Variants in CDH12 observed in about 807,000 individuals in gnomAD.
CDH12 encodes the protein cadherin-12.
A neutral mutation model predicts 74.1 loss-of-function variants in CDH12; 41 were observed. That is an observed-to-expected ratio of 0.55 (90% CI 0.43 to 0.72). The LOEUF (loss-of-function observed/expected upper bound fraction) is 0.72. CDH12 is among the 30% of genes least tolerant of loss of function. The pLI, the probability that CDH12 is intolerant of heterozygous loss-of-function variation, is 0.00. For synonymous variants in CDH12, 399 were observed against 355.0 expected, an observed-to-expected ratio of 1.12 and a Z score of -1.39; for missense variants, 945 against 977.2, an observed-to-expected ratio of 0.97 and a Z score of 0.44.
At chr5:22,103,725 G>A (rs1744276304) in intron 4 of CDH12, among the ~76,000 whole-genome samples, 1 of 152,128 alleles carries the variant, frequency 6.6e-6, no homozygotes, top group Non-Finnish European at 1.5e-5. Flanking sequence ...TATATCAAAG[G>A]CAGTGAAAAT....
intron 2 of CDH12, among the ~76,000 whole-genome samples, chr5:22,434,583 C>A (rs77441407): frequency 3.3e-5 from 5 of 152,098 alleles, no homozygotes; most frequent in Non-Finnish European, 5.9e-5. Flanking sequence ...CCAACCGAAT[C>A]CATCCTAACG....
chr5:21,947,097 G>A (rs956149660), intron 6 of CDH12, among the ~76,000 whole-genome samples: 2 of 152,154 alleles, frequency 1.3e-5, no homozygotes, highest in Non-Finnish European at 2.9e-5. Flanking sequence ...ATTCCACCAT[G>A]ATTGTAAGTT....
At chr5:22,105,490 G>C (rs1744381971) in intron 4 of CDH12, among the ~76,000 whole-genome samples, 1 of 151,082 alleles carries the variant, frequency 6.6e-6, no homozygotes, top group African/African-American at 2.4e-5. Flanking sequence ...CTGAGGTCAG[G>C]GGTTCGAGAC....
intron 6 of CDH12, among the ~76,000 whole-genome samples, chr5:21,865,056 A>T (rs1751255028): frequency 6.6e-6 from 1 of 152,154 alleles, no homozygotes; most frequent in South Asian, 2.1e-4. Context: ...AAAAAAAGAG[A>T]GTGCTATTTC....
intron 3 of CDH12, among the ~76,000 whole-genome samples, chr5:22,389,107 T>C (rs1041445227): frequency 6.6e-6 from 1 of 152,162 alleles, no homozygotes; most frequent in African/African-American, 2.4e-5. Context: ...TAATGTCCAT[T>C]TCCTTTATGC....
chr5:22,032,751 T>C (rs1693330253), intron 5 of CDH12, among the ~76,000 whole-genome samples: 1 of 128,884 alleles, frequency 7.8e-6, no homozygotes. Context: ...ATATACATAT[T>C]TATATATATT....
At position 22,125,098 on chromosome 5, in the gene CDH12, AT is replaced by A. The variant is rs200874531; in HGVS notation, c.-186-46237del. ...TCAAGATTCGGGGTTTGATACAACC[AT>A]TTTTTTTTTTAACTTTAAATTCTGG... On this transcript the variant is annotated intron_variant, in intron 4 of 14. Coordinates refer to ENST00000382254, the MANE Select transcript of CDH12 (RefSeq NM_004061.5). 6.4e-3 allele frequency among the ~76,000 whole-genome samples: 935 copies of A among 147,094 alleles called. 10 individuals carry two copies. The highest frequency in any genetic ancestry group is 0.015 in the African/African-American group (602 of 40,206).
intron 1 of CDH12, among the ~76,000 whole-genome samples, chr5:22,556,864 T>A (rs1002480698): frequency 6.6e-6 from 1 of 152,066 alleles, no homozygotes; most frequent in African/African-American, 2.4e-5. Context: ...ATGGGAGCCA[T>A]TCCTTTGACA....
At chr5:22,636,608 T>C (rs1451803734) in intron 1 of CDH12, among the ~76,000 whole-genome samples, 2 of 152,220 alleles carry the variant, frequency 1.3e-5, no homozygotes, top group African/African-American at 4.8e-5. Context: ...TATAAAAATG[T>C]CTAGAATAGG....
chr5:22,700,115 C>T (rs548904761), intron 1 of CDH12, among the ~76,000 whole-genome samples: 19 of 151,874 alleles, frequency 1.3e-4, no homozygotes, highest in African/African-American at 3.1e-4. Flanking sequence ...TGCAATGAGC[C>T]GAGATTGTAC....
chr5:22,072,551 T>C (rs923989655), intron 5 of CDH12, among the ~76,000 whole-genome samples: 3 of 151,824 alleles, frequency 2.0e-5, no homozygotes, highest in African/African-American at 7.3e-5. Flanking sequence ...TGTGTGTGTG[T>C]GTGTGTGTGT....
At chr5:22,108,857 G>A (rs1396541673) in intron 4 of CDH12, among the ~76,000 whole-genome samples, 1 of 152,034 alleles carries the variant, frequency 6.6e-6, no homozygotes, top group African/African-American at 2.4e-5. Flanking sequence ...ACTGATCCAG[G>A]TTTTTTCAGC....
chr5:22,814,763 A>G (rs1225358529), intron 1 of CDH12, among the ~76,000 whole-genome samples: 1 of 152,176 alleles, frequency 6.6e-6, no homozygotes, highest in East Asian at 1.9e-4. Context: ...GTGTAACTAC[A>G]GAGATGTCAT....
chr5:22,723,937 ACT>A (rs1409622211), intron 1 of CDH12, among the ~76,000 whole-genome samples: 1 of 151,948 alleles, frequency 6.6e-6, no homozygotes, highest in Non-Finnish European at 1.5e-5. Context: ...TGTAATGGAA[ACT>A]CTTCTGCTGT....
intron 4 of CDH12, among the ~76,000 whole-genome samples, chr5:22,111,388 C>T (rs181319494): frequency 6.6e-6 from 1 of 152,278 alleles, no homozygotes; most frequent in Non-Finnish European, 1.5e-5. Flanking sequence ...TATGTAGCTG[C>T]TTTCCCGTTT....
chr5:21,806,803 G>A (rs1168123180), intron 9 of CDH12, among the ~76,000 whole-genome samples: 1 of 152,188 alleles, frequency 6.6e-6, no homozygotes, highest in Non-Finnish European at 1.5e-5. Flanking sequence ...TCACAGGCTG[G>A]CAGTCTTGGC....
At chr5:22,553,959 T>G (rs1160920292) in intron 1 of CDH12, among the ~76,000 whole-genome samples, 1 of 152,192 alleles carries the variant, frequency 6.6e-6, no homozygotes, top group African/African-American at 2.4e-5. Context: ...TAAAAATGCT[T>G]AAGGAAATAA....
chr5:21,992,965 G>A (rs369451748), intron 5 of CDH12, among the ~76,000 whole-genome samples: 78 of 152,168 alleles, frequency 5.1e-4, no homozygotes, highest in East Asian at 1.4e-3. Context: ...CTTACATGGC[G>A]GCAGGAGAGA....
intron 1 of CDH12, among the ~76,000 whole-genome samples, chr5:22,536,493 T>C (rs886743684): frequency 1.3e-5 from 2 of 152,134 alleles, no homozygotes; most frequent in Non-Finnish European, 2.9e-5. Context: ...TGCCAGGTAT[T>C]GAAAGTGGTA....
Sources: allele counts gnomAD v4.1 joint callset (sites outside exome capture counted in the v4.1 genomes callset), GRCh38; gene constraint gnomAD v4.1.1; transcripts MANE v1.5; gene names NCBI Gene and HGNC (gene_info 2026-07-23, HGNC 2026-07-21).